DPYD: variants seen among roughly 807,000 people sequenced by gnomAD.
DPYD encodes dihydropyrimidine dehydrogenase.
Under a neutral mutation model 116.2 loss-of-function variants are expected in DPYD, and 109 were observed. That is an observed-to-expected ratio of 0.94 (90% CI 0.80 to 1.10). The LOEUF is 1.10. DPYD is among the 50% of genes least tolerant of loss of function. DPYD has a pLI of 0.00. For missense variants in DPYD, 1,302 were observed against 1,254.5 expected (o/e 1.04, Z -0.57); for synonymous variants, 440 against 432.0 (o/e 1.02, Z -0.23).
chr1:97,813,434 A>T (rs572887603), intron 3 of DPYD, among the ~76,000 whole-genome samples: 117 of 152,298 alleles, frequency 7.7e-4, no homozygotes, highest in Non-Finnish European at 1.1e-3. Context: ...CCAGTAAGTA[A>T]TTTAACCTTA....
At chr1:97,108,604 G>A (rs1040651449) in intron 20 of DPYD, among the ~76,000 whole-genome samples, 1 of 152,062 alleles carries the variant, frequency 6.6e-6, no homozygotes, top group Non-Finnish European at 1.5e-5. Context: ...TTAGTAAAAG[G>A]TAAAACTAAA....
intron 18 of DPYD, among the ~76,000 whole-genome samples, chr1:97,256,940 C>A (rs1370278924): frequency 3.9e-5 from 6 of 152,078 alleles, no homozygotes; most frequent in Non-Finnish European, 8.8e-5. Context: ...CTACACCCTT[C>A]CTCTGCCCAC....
At chr1:97,267,993 C>T (rs1175868284) in intron 18 of DPYD, among the ~76,000 whole-genome samples, 1 of 152,122 alleles carries the variant, frequency 6.6e-6, no homozygotes, top group African/African-American at 2.4e-5. Flanking sequence ...AAGTTATCTA[C>T]TTCCAAAAAC....
At chr1:97,286,993 A>G (rs1442129955) in intron 18 of DPYD, among the ~76,000 whole-genome samples, 1 of 152,124 alleles carries the variant, frequency 6.6e-6, no homozygotes, top group Non-Finnish European at 1.5e-5. Flanking sequence ...GAGGAGAGGC[A>G]CTCTGCTTTT....
chr1:97,231,561 A>C (rs1661589618), intron 19 of DPYD, among the ~76,000 whole-genome samples: 1 of 152,124 alleles, frequency 6.6e-6, no homozygotes, highest in Non-Finnish European at 1.5e-5. Context: ...CACTGTCAGG[A>C]AAGCACAGGA....
At chr1:97,319,909 G>A (rs1352901331) in intron 16 of DPYD, among the ~76,000 whole-genome samples, 2 of 111,250 alleles carry the variant, frequency 1.8e-5, no homozygotes, top group African/African-American at 6.6e-5. Context: ...TCATCCCTGG[G>A]ATGCAAGGCT....
At chr1:97,681,173 G>A (rs1310347830) in intron 7 of DPYD, among the ~76,000 whole-genome samples, 1 of 152,074 alleles carries the variant, frequency 6.6e-6, no homozygotes, top group Non-Finnish European at 1.5e-5. Flanking sequence ...AAGGACAAGA[G>A]AGCTTACATA....
In DPYD at chr1:97,377,380, TTATC is replaced by T. The variant is rs375518528; in HGVS notation, c.1975-3740_1975-3737del. 3.5e-3 allele frequency among the ~76,000 whole-genome samples: 536 copies of T among 152,290 alleles called. 2 individuals are homozygous for T. The highest frequency in any genetic ancestry group is 0.012 in the African/African-American group (516 of 41,556). On this transcript the variant is annotated intron_variant, in intron 15 of 22. Transcript: ENST00000370192. ...GGTGTATACTATCTATCTAAATACT[TTATC>T]TATCTACCTATCAATCATCTATCTA...
chr1:97,477,085 T>G (rs2101869426), intron 13 of DPYD, among the ~76,000 whole-genome samples: 1 of 152,274 alleles, frequency 6.6e-6, no homozygotes, highest in Non-Finnish European at 1.5e-5. Flanking sequence ...GCCTGGCAAT[T>G]TCTGTAAACA....
At chr1:97,372,377 T>C (rs1671353347) in intron 16 of DPYD, among the ~76,000 whole-genome samples, 1 of 152,142 alleles carries the variant, frequency 6.6e-6, no homozygotes, top group Non-Finnish European at 1.5e-5. Flanking sequence ...AATGCTACTA[T>C]CTAATCATGT....
chr1:97,835,120 T>TA (rs1371586879), intron 2 of DPYD, among the ~76,000 whole-genome samples: 4 of 152,064 alleles, frequency 2.6e-5, no homozygotes, highest in Non-Finnish European at 5.9e-5. Flanking sequence ...GAGAATCTTA[T>TA]ATGAGTCACA....
At chr1:97,394,925 T>A (rs1451229327) in intron 14 of DPYD, among the ~76,000 whole-genome samples, 2 of 151,978 alleles carry the variant, frequency 1.3e-5, no homozygotes, top group African/African-American at 4.8e-5. Flanking sequence ...TGAAGCAAGA[T>A]ATCTAAGTAG....
intron 20 of DPYD, among the ~76,000 whole-genome samples, chr1:97,177,187 T>C (rs1348680726): frequency 1.3e-5 from 2 of 152,154 alleles, no homozygotes; most frequent in Non-Finnish European, 2.9e-5. Flanking sequence ...ACTGTTAATG[T>C]TTGCATCTAT....
At chr1:97,133,127 TA>T (rs1653462597) in intron 20 of DPYD, among the ~76,000 whole-genome samples, 1 of 152,058 alleles carries the variant, frequency 6.6e-6, no homozygotes, top group Admixed American at 6.5e-5. Flanking sequence ...AGTACTAAGA[TA>T]TTTTTTAAAA....
At chr1:97,399,700 C>T (rs1238573429) in intron 14 of DPYD, among the ~76,000 whole-genome samples, 1 of 152,002 alleles carries the variant, frequency 6.6e-6, no homozygotes, top group East Asian at 1.9e-4. Context: ...ATTTTATTCT[C>T]TTTGAAGCAA....
rs767121228 is a variant in DPYD at position 97,078,943 on chromosome 1, T to G, written c.*33A>C. The G allele has an allele frequency of 1.9e-6, 3 of 1,612,474 alleles. No homozygotes were observed. The South Asian group carries it at 3.3e-5, about 18-fold the overall frequency. ...AAAAGATCAGCATATGTAGGTGACATGAAAGTTCACAGCAACTGTTTCACA... is the reference window on the plus strand; with the variant it reads ...AAAAGATCAGCATATGTAGGTGACAGGAAAGTTCACAGCAACTGTTTCACA... On this transcript the variant is annotated 3_prime_UTR_variant, in exon 23 of 23. Coordinates refer to ENST00000370192, the MANE Select transcript of DPYD (RefSeq NM_000110.4).
intron 16 of DPYD, among the ~76,000 whole-genome samples, chr1:97,308,038 T>C (rs1667271400): frequency 6.6e-6 from 1 of 151,880 alleles, no homozygotes; most frequent in African/African-American, 2.4e-5. Context: ...AAATATTATT[T>C]GGTTCCAATA....
At chr1:97,793,859 GA>G (rs1441769773) in intron 3 of DPYD, among the ~76,000 whole-genome samples, 2 of 152,224 alleles carry the variant, frequency 1.3e-5, no homozygotes, top group African/African-American at 4.8e-5. Flanking sequence ...ACAAGAAATT[GA>G]TAAATTTAAC....
At chr1:97,765,708 T>C (rs1308534573) in intron 3 of DPYD, among the ~76,000 whole-genome samples, 2 of 152,152 alleles carry the variant, frequency 1.3e-5, no homozygotes, top group Non-Finnish European at 2.9e-5. Flanking sequence ...TCTAGGCCAC[T>C]GGGTTGGGAG....
Sources: allele counts gnomAD v4.1 joint callset (sites outside exome capture counted in the v4.1 genomes callset), GRCh38; gene constraint gnomAD v4.1.1; transcripts MANE v1.5; gene names NCBI Gene and HGNC (gene_info 2026-07-23, HGNC 2026-07-21).